The following RBFOX1 variants were observed in gnomAD, a reference collection of about 807,000 sequenced individuals.
RBFOX1 encodes the protein RNA binding protein fox-1 homolog 1.
RBFOX1 carries 8 observed loss-of-function variants against 57.7 expected under a neutral mutation model. The ratio of observed to expected loss-of-function variants is 0.14; its 90% CI spans 0.08 to 0.25. RBFOX1 has a LOEUF of 0.25. Among genes scored for constraint, RBFOX1 ranks in the 10% least tolerant of loss-of-function variants. The pLI, the probability that RBFOX1 is intolerant of heterozygous loss-of-function variation, is 1.00. For synonymous variants in RBFOX1, 326 were observed against 222.4 expected (o/e 1.47, Z -4.15); for missense variants, 611 against 548.5 (o/e 1.11, Z -1.14).
intron 1 of RBFOX1, among the ~76,000 whole-genome samples, chr16:6,183,980 G>A (rs2097087856): frequency 6.6e-6 from 1 of 152,178 alleles, no homozygotes. Flanking sequence ...AGAAAAAAGT[G>A]GTTTAATGGA....
Position 7,682,214 on chromosome 16 carries a change from C to A in RBFOX1, c.995+5376C>A, listed in dbSNP as rs141259363. On this transcript the variant is annotated intron_variant, in intron 14 of 15. Coordinates refer to ENST00000550418, the MANE Select transcript of RBFOX1 (RefSeq NM_018723.4). ...TCTTCCTTGGCAAAGTAAACATTGG[C>A]AACTTTATGCTAGACTCTGTATCAT... Among the ~76,000 whole-genome samples the A allele has an allele frequency of 2.8e-3, 429 of 152,256 alleles. 2 individuals carry two copies. The highest frequency in any genetic ancestry group is 7.0e-3 in the African/African-American group (291 of 41,582).
chr16:5,584,269 C>A (rs1278457806), intron 2 of RBFOX1, among the ~76,000 whole-genome samples: 1 of 152,204 alleles, frequency 6.6e-6, no homozygotes, highest in Non-Finnish European at 1.5e-5. Flanking sequence ...CTGTAATAAT[C>A]CGTGTCTCTT....
rs371201086 is a variant in RBFOX1 at position 7,258,658 on chromosome 16, A to T, written c.27+206560A>T. ...TCCTGTACTATATTATTTTACTAAC[A>T]TGATGGCTGAATTTCAAATGAACTG... On this transcript the variant is annotated intron_variant, in intron 4 of 15. Coordinates refer to ENST00000550418, the MANE Select transcript of RBFOX1 (RefSeq NM_018723.4). Among the ~76,000 whole-genome samples the T allele has an allele frequency of 1.4e-4, 21 of 152,328 alleles. No homozygotes were observed. The East Asian group carries it at 3.1e-3, about 22-fold the overall frequency.
At chr16:5,739,817 G>T (rs1047300512) in intron 3 of RBFOX1, among the ~76,000 whole-genome samples, 4 of 152,246 alleles carry the variant, frequency 2.6e-5, no homozygotes, top group African/African-American at 4.8e-5. Context: ...CCATCTGCAC[G>T]TGTCTGTCTG....
chr16:5,804,205 G>A (rs35560486), intron 3 of RBFOX1, among the ~76,000 whole-genome samples: 82,736 of 152,040 alleles, frequency 0.54, 23,314 homozygotes, highest in African/African-American at 0.7. Flanking sequence ...TTCAGTAAAT[G>A]TTAGTGAGGT....
At chr16:6,029,697 T>G (rs777658505) in intron 1 of RBFOX1, among the ~76,000 whole-genome samples, 1 of 128,804 alleles carries the variant, frequency 7.8e-6, no homozygotes, top group South Asian at 2.6e-4. Context: ...GGCGTGAACA[T>G]GGGGAGCGGA....
At chr16:6,445,537 C>A (rs796914940) in intron 2 of RBFOX1, among the ~76,000 whole-genome samples, 3 of 146,508 alleles carry the variant, frequency 2.0e-5, no homozygotes, top group African/African-American at 7.6e-5. Context: ...ACCAGGGAAG[C>A]TTATTAACCT....
chr16:6,769,673 C>G (rs925680320), intron 3 of RBFOX1, among the ~76,000 whole-genome samples: 3 of 152,190 alleles, frequency 2.0e-5, no homozygotes, highest in Non-Finnish European at 4.4e-5. Context: ...TTCCATATCC[C>G]TCTCTGCTAA....
Position 6,989,906 on chromosome 16 carries a change from C to T in RBFOX1, c.-15-62151C>T, listed in dbSNP as rs552094176. Among the ~76,000 whole-genome samples the T allele has an allele frequency of 2.5e-3, 381 of 152,102 alleles. 2 individuals are homozygous for T. Among genetic ancestry groups the T allele is most frequent in the African/African-American group, 8.4e-3 (348 of 41,484 alleles). ...ATCCCAGCTACTCGGGAGTCTGAGA[C>T]GGGAGAATTGCTTGAATTCAGGAGG... On this transcript the variant is annotated intron_variant, in intron 3 of 15. Coordinates refer to ENST00000550418, the MANE Select transcript of RBFOX1 (RefSeq NM_018723.4).
intron 3 of RBFOX1, among the ~76,000 whole-genome samples, chr16:5,741,922 C>G (rs2052781661): frequency 1.3e-5 from 2 of 152,142 alleles, no homozygotes; most frequent in African/African-American, 4.8e-5. Context: ...ATGGTAGTTC[C>G]AGTATGTAGG....
chr16:7,698,631 CATCTAATT>C (rs1283321720), intron 14 of RBFOX1, among the ~76,000 whole-genome samples: 1 of 152,172 alleles, frequency 6.6e-6, no homozygotes, highest in Non-Finnish European at 1.5e-5. Flanking sequence ...CAGCAAGTCT[CATCTAATT>C]GTCTTTTCTG....
intron 4 of RBFOX1, among the ~76,000 whole-genome samples, chr16:7,361,629 C>G (rs2097323336): frequency 6.6e-6 from 1 of 152,154 alleles, no homozygotes; most frequent in African/African-American, 2.4e-5. Context: ...CAAACACACA[C>G]CAAACAGGTG....
intron 1 of RBFOX1, among the ~76,000 whole-genome samples, chr16:5,325,973 T>C (rs1728773396): frequency 6.6e-6 from 1 of 152,226 alleles, no homozygotes; most frequent in Non-Finnish European, 1.5e-5. Context: ...CCTATTGTGC[T>C]TACTGGAGTA....
intron 2 of RBFOX1, among the ~76,000 whole-genome samples, chr16:5,470,333 G>A (rs2069092421): frequency 6.6e-6 from 1 of 152,196 alleles, no homozygotes; most frequent in Admixed American, 6.5e-5. Flanking sequence ...GACCAAATGT[G>A]TCTATTCCTG....
intron 3 of RBFOX1, among the ~76,000 whole-genome samples, chr16:6,969,302 A>T (rs142154601): frequency 3.9e-5 from 6 of 152,166 alleles, no homozygotes; most frequent in African/African-American, 1.4e-4. Flanking sequence ...AACGAATCCT[A>T]TTTAGTGCGG....
At position 5,429,664 on chromosome 16, in the gene RBFOX1, A is replaced by G. The variant is rs144450092; in HGVS notation, c.220-37552A>G. On this transcript the variant is annotated intron_variant, in intron 1 of 2. Coordinates refer to the RBFOX1 transcript ENST00000585867. ...GTGTGGGTGGCACAAAGGCCTGGAT[A>G]GTTCAACCCTACCTCTGAGGGGCCA... is the stretch of plus-strand genomic sequence containing the variant. Among the ~76,000 whole-genome samples the G allele has an allele frequency of 2.3e-3, 357 of 152,320 alleles. 3 individuals are homozygous for G. In the Middle Eastern group the frequency reaches 0.027, roughly 12 times the overall value.
At chr16:5,310,274 C>T (rs1413525663) in intron 1 of RBFOX1, among the ~76,000 whole-genome samples, 6 of 152,086 alleles carry the variant, frequency 3.9e-5, no homozygotes, top group South Asian at 4.1e-4. Context: ...TAGTAGTGCA[C>T]ACCTGTAGTC....
At chr16:5,928,666 C>G (rs2058985074) in intron 4 of RBFOX1, among the ~76,000 whole-genome samples, 2 of 151,040 alleles carry the variant, frequency 1.3e-5, no homozygotes, top group Non-Finnish European at 2.9e-5. Context: ...CTGACCAGGT[C>G]CTAGGTGCTT....
chr16:5,685,742 T>C (rs1160809475), intron 3 of RBFOX1, among the ~76,000 whole-genome samples: 1 of 152,208 alleles, frequency 6.6e-6, no homozygotes, highest in African/African-American at 2.4e-5. Context: ...CTTCATGGGC[T>C]GACAGGATTG....
Sources: allele counts gnomAD v4.1 joint callset (sites outside exome capture counted in the v4.1 genomes callset), GRCh38; gene constraint gnomAD v4.1.1; transcripts MANE v1.5; gene names NCBI Gene and HGNC (gene_info 2026-07-23, HGNC 2026-07-21).